Variants in DPYD observed in about 807,000 individuals in gnomAD.
DPYD encodes dihydropyrimidine dehydrogenase.
DPYD carries 109 observed loss-of-function variants against 116.2 expected under a neutral mutation model. The ratio of observed to expected loss-of-function variants is 0.94; its 90% CI spans 0.80 to 1.10. The LOEUF is 1.10. Among genes scored for constraint, DPYD ranks in the 50% least tolerant of loss-of-function variants. DPYD has a pLI of 0.00. For missense variants in DPYD, 1,302 were observed against 1,254.5 expected (o/e 1.04, Z -0.57); for synonymous variants, 440 against 432.0 (o/e 1.02, Z -0.23).
At chr1:97,724,986 A>AGAGAGAGAGAGAGAGAG (rs3075442) in intron 4 of DPYD, among the ~76,000 whole-genome samples, 5 of 148,932 alleles carry the variant, frequency 3.4e-5, no homozygotes, top group African/African-American at 9.9e-5. Context: ...AGAGAGAGAG[A>AGAGAGAGAGAGAGAGAG]AAGTTATCCA....
intron 8 of DPYD, among the ~76,000 whole-genome samples, chr1:97,636,242 TAA>T (rs951587046): frequency 6.6e-6 from 1 of 152,162 alleles, no homozygotes; most frequent in Non-Finnish European, 1.5e-5. Flanking sequence ...ATCATCCAAG[TAA>T]TAATATCAAA....
chr1:97,121,979 G>T (rs986936008), intron 20 of DPYD, among the ~76,000 whole-genome samples: 1 of 152,132 alleles, frequency 6.6e-6, no homozygotes, highest in Non-Finnish European at 1.5e-5. Context: ...CTAGAGCAGG[G>T]CATGGAATGT....
chr1:97,553,650 A>G (rs1202792576), intron 11 of DPYD, among the ~76,000 whole-genome samples: 1 of 152,056 alleles, frequency 6.6e-6, no homozygotes, highest in African/African-American at 2.4e-5. Context: ...TATTAATAGA[A>G]GGATTGTATT....
At chr1:97,920,079 C>G (rs1355659188) in intron 1 of DPYD, among the ~76,000 whole-genome samples, 1 of 152,102 alleles carries the variant, frequency 6.6e-6, no homozygotes, top group Non-Finnish European at 1.5e-5. Flanking sequence ...AACTAAAAAT[C>G]AGTTTGTCTT....
At chr1:97,758,775 T>C (rs972488286) in intron 3 of DPYD, among the ~76,000 whole-genome samples, 19 of 152,268 alleles carry the variant, frequency 1.2e-4, no homozygotes, top group Non-Finnish European at 2.4e-4. Context: ...TTTATTTCTA[T>C]CCCTATCATG....
intron 8 of DPYD, among the ~76,000 whole-genome samples, chr1:97,649,849 T>C (rs572695239): frequency 6.6e-6 from 1 of 152,136 alleles, no homozygotes; most frequent in Non-Finnish European, 1.5e-5. Flanking sequence ...TGAGGTTCCA[T>C]AGTTGGCAAA....
At chr1:97,117,687 G>T (rs1340910998) in intron 20 of DPYD, among the ~76,000 whole-genome samples, 1 of 152,028 alleles carries the variant, frequency 6.6e-6, no homozygotes, top group Non-Finnish European at 1.5e-5. Context: ...CAATTTTCTG[G>T]GTTGTACTAT....
chr1:97,383,545 G>A (rs1038491513), intron 14 of DPYD, among the ~76,000 whole-genome samples: 2 of 151,622 alleles, frequency 1.3e-5, no homozygotes, highest in African/African-American at 4.8e-5. Context: ...GACTTACATA[G>A]CTCTTACAGT....
chr1:97,360,093 T>C (rs998893438), intron 16 of DPYD, among the ~76,000 whole-genome samples: 1 of 150,892 alleles, frequency 6.6e-6, no homozygotes. Flanking sequence ...AGGCTCAAAA[T>C]AAAGGGATGG....
chr1:97,912,041 G>A (rs571385599), intron 1 of DPYD, among the ~76,000 whole-genome samples: 7 of 152,178 alleles, frequency 4.6e-5, no homozygotes, highest in African/African-American at 1.2e-4. Context: ...ATGCCTGCCC[G>A]TTCTGTTACC....
chr1:97,622,370 C>A (rs955364250), intron 8 of DPYD, among the ~76,000 whole-genome samples: 1 of 151,938 alleles, frequency 6.6e-6, no homozygotes, highest in African/African-American at 2.4e-5. Context: ...ATATAAATGT[C>A]ATTTGAGGAA....
intron 3 of DPYD, among the ~76,000 whole-genome samples, chr1:97,796,339 A>G (rs1667569217): frequency 6.6e-6 from 1 of 152,046 alleles, no homozygotes; most frequent in Non-Finnish European, 1.5e-5. Context: ...TTTTAATCAC[A>G]TTAAACTGAT....
chr1:97,598,667 T>C (rs1485194644), intron 8 of DPYD, among the ~76,000 whole-genome samples: 1 of 152,118 alleles, frequency 6.6e-6, no homozygotes, highest in Non-Finnish European at 1.5e-5. Flanking sequence ...ATCCTGCTTA[T>C]GTTACAGAAA....
At chr1:97,771,116 G>A (rs977957469) in intron 3 of DPYD, among the ~76,000 whole-genome samples, 3 of 151,874 alleles carry the variant, frequency 2.0e-5, no homozygotes, top group Non-Finnish European at 4.4e-5. Context: ...TCAGGAGTTC[G>A]AGGTCAGCCT....
At chr1:97,883,072 T>C (rs1672308283) in intron 2 of DPYD, among the ~76,000 whole-genome samples, 192 bp downstream of exon 2, 1 of 152,086 alleles carries the variant, frequency 6.6e-6, no homozygotes, top group African/African-American at 2.4e-5. Context: ...ATAATTTGTA[T>C]TTCAGGAGAT....
chr1:97,642,605 A>T (rs1657991801), intron 8 of DPYD, among the ~76,000 whole-genome samples: 1 of 151,910 alleles, frequency 6.6e-6, no homozygotes, highest in African/African-American at 2.4e-5. Flanking sequence ...GATGGAAATC[A>T]TCATTCTCAG....
At chr1:97,254,189 G>A (rs878874856) in intron 18 of DPYD, among the ~76,000 whole-genome samples, 3 of 151,988 alleles carry the variant, frequency 2.0e-5, no homozygotes, top group Admixed American at 6.6e-5. Flanking sequence ...AACTAGGGCC[G>A]TTTTTCACAA....
At chr1:97,719,004 GA>G (rs955086966) in intron 5 of DPYD, among the ~76,000 whole-genome samples, 2 of 150,858 alleles carry the variant, frequency 1.3e-5, no homozygotes, top group South Asian at 4.2e-4. Flanking sequence ...TATTACTAGG[GA>G]AAAAAAGTGC....
At chr1:97,712,146 G>C (rs1445214244) in intron 5 of DPYD, among the ~76,000 whole-genome samples, 3 of 151,676 alleles carry the variant, frequency 2.0e-5, no homozygotes, top group South Asian at 4.1e-4. Context: ...CTGCTTTAAG[G>C]CTCCTCCTGT....
Sources: allele counts gnomAD v4.1 joint callset (sites outside exome capture counted in the v4.1 genomes callset), GRCh38; gene constraint gnomAD v4.1.1; transcripts MANE v1.5; gene names NCBI Gene and HGNC (gene_info 2026-07-23, HGNC 2026-07-21).